STAMBPL1: variants seen among roughly 807,000 people sequenced by gnomAD.
The protein encoded by STAMBPL1 is AMSH-like protease.
STAMBPL1 carries 44 observed loss-of-function variants against 52.9 expected under a neutral mutation model. The ratio of observed to expected loss-of-function variants is 0.83; its 90% confidence interval spans 0.65 to 1.07. The LOEUF is 1.07. Among genes scored for constraint, STAMBPL1 ranks in the 50% least tolerant of loss-of-function variants. The probability of loss-of-function intolerance (pLI) is 0.00; values close to 1 mark genes in which losing one functional copy is unlikely to be tolerated. For missense variants in STAMBPL1, 511 were observed against 520.8 expected (o/e 0.98, Z 0.18); for synonymous variants, 164 against 177.3 (o/e 0.92, Z 0.60).
At chr10:88,891,638 G>A (rs893353218) in intron 1 of STAMBPL1, among the ~76,000 whole-genome samples, 8 of 152,072 alleles carry the variant, frequency 5.3e-5, no homozygotes, top group Admixed American at 1.3e-4. Flanking sequence ...ATACATCATG[G>A]AGGATACACC....
chr10:88,887,710 C>T (rs951263567), intron 1 of STAMBPL1, among the ~76,000 whole-genome samples: 13 of 151,756 alleles, frequency 8.6e-5, no homozygotes, highest in African/African-American at 2.2e-4. Flanking sequence ...TTGGTAGAGA[C>T]GAGGTTTCAC....
intron 2 of STAMBPL1, among the ~76,000 whole-genome samples, chr10:88,902,329 T>C (rs1968028): frequency 0.3 from 45,559 of 151,998 alleles, 7,271 homozygotes; most frequent in South Asian, 0.5. Context: ...TACTTTTTGC[T>C]CAATGACAAT....
At position 88,923,152 on chromosome 10, in the gene STAMBPL1, A is replaced by G; in HGVS notation, c.1255-16A>G. 1 of 1,596,064 alleles carries G rather than the reference A, an allele frequency of 6.3e-7. No individual in the cohort carries two copies. The highest frequency in any genetic ancestry group is 1.1e-5 in the South Asian group (1 of 87,782). On this transcript the variant is annotated splice_polypyrimidine_tract_variant and intron_variant, in intron 10 of 10. Coordinates refer to ENST00000371926, the MANE Select transcript of STAMBPL1 (RefSeq NM_020799.4). ...TGAAATCAAACATATGGTAAAACCA[A>G]TTTTTTCTTTCCTAGATATGCAAAC...
Position 88,913,470 on chromosome 10 carries a change from A to G in STAMBPL1, c.778+12A>G, listed in dbSNP as rs767730107. Reference sequence around the variant, plus strand: ...AAGTGCTGTTCAGAGTAAGTGATGAAATGCACCCATGTGAGACACTGAGCC... The same window carrying G: ...AAGTGCTGTTCAGAGTAAGTGATGAGATGCACCCATGTGAGACACTGAGCC... On this transcript the variant is annotated intron_variant, in intron 6 of 10. Coordinates refer to ENST00000371926, the MANE Select transcript of STAMBPL1 (RefSeq NM_020799.4). 6.3e-7 allele frequency: 1 copy of G among 1,599,554 alleles called. No individual in the cohort carries two copies. The highest frequency in any genetic ancestry group is 8.5e-7 in the Non-Finnish European group (1 of 1,170,792).
At chr10:88,880,968 GT>G (rs1764806394) in intron 1 of STAMBPL1, among the ~76,000 whole-genome samples, 1 of 152,088 alleles carries the variant, frequency 6.6e-6, no homozygotes, top group African/African-American at 2.4e-5. Flanking sequence ...GGGTGCGCCT[GT>G]TTTTTTGGTT....
At chr10:88,922,221 T>G in intron 9 of STAMBPL1, 116 bp from the exon 10 acceptor site, 1 of 979,772 alleles carries the variant, frequency 1.0e-6, no homozygotes. Flanking sequence ...GAATTCCTAG[T>G]TTGTGATTTC....
chr10:88,900,295 G>A (rs1246831987), intron 1 of STAMBPL1, among the ~76,000 whole-genome samples: 2 of 152,152 alleles, frequency 1.3e-5, no homozygotes, highest in African/African-American at 2.4e-5. Context: ...CCTAAGTGAG[G>A]AACTGAGGAG....
chr10:88,913,582 G>A (rs2133199082), intron 6 of STAMBPL1, 124 bp downstream of exon 6: 1 of 793,278 alleles, frequency 1.3e-6, no homozygotes, highest in East Asian at 2.5e-5. Context: ...GCATAATATG[G>A]TATGAATGAA....
At position 88,916,848 on chromosome 10, in the gene STAMBPL1, TTG is replaced by T. The variant is rs755090567; in HGVS notation, c.1041+40_1041+41del. On this transcript the variant is annotated intron_variant, in intron 8 of 10. Coordinates refer to ENST00000371926, the MANE Select transcript of STAMBPL1 (RefSeq NM_020799.4). ...TTTGACCTTTTGGGTTTCAGTTTTT[TTG>T]TGTGTGTGGCATGCTATTTTCCTCC... 4.7e-6 allele frequency: 7 copies of T among 1,500,298 alleles called. No homozygotes were observed. In the East Asian group the frequency reaches 1.2e-4, roughly 27 times the overall value. 92.9% of individuals were successfully genotyped at this position (1,500,298 alleles called of 1,614,324 possible). A position where few individuals can be genotyped will look rare whatever the true frequency, so the allele number is the denominator to read the frequency against.
chr10:88,901,091 T>C (rs1844932421), intron 1 of STAMBPL1: 1 of 152,248 alleles, frequency 6.6e-6, no homozygotes, highest in Non-Finnish European at 1.5e-5. Flanking sequence ...ATCTTTGTCA[T>C]GTGATTCAAC....
At chr10:88,917,509 G>A (rs1287004233) in intron 8 of STAMBPL1, among the ~76,000 whole-genome samples, 2 of 152,026 alleles carry the variant, frequency 1.3e-5, no homozygotes, top group South Asian at 2.1e-4. Context: ...TAAGCAATCC[G>A]AGCATCAGTT....
At chr10:88,899,659 A>C (rs1164474724) in intron 1 of STAMBPL1, among the ~76,000 whole-genome samples, 1 of 152,074 alleles carries the variant, frequency 6.6e-6, no homozygotes, top group Non-Finnish European at 1.5e-5. Context: ...ACAGGCGTGC[A>C]CTACCACGCC....
intron 2 of STAMBPL1, among the ~76,000 whole-genome samples, chr10:88,904,002 T>C (rs981180002): frequency 1.3e-5 from 2 of 152,200 alleles, no homozygotes; most frequent in Admixed American, 6.5e-5. Flanking sequence ...ACTCCAGATA[T>C]CTAATTCACT....
chr10:88,899,649 A>G (rs1198451072), intron 1 of STAMBPL1, among the ~76,000 whole-genome samples: 1 of 152,088 alleles, frequency 6.6e-6, no homozygotes, highest in Non-Finnish European at 1.5e-5. Flanking sequence ...AGCTGGGATT[A>G]CAGGCGTGCA....
At chr10:88,916,998 AT>A (rs1295061389) in intron 8 of STAMBPL1, among the ~76,000 whole-genome samples, 181 bp downstream of exon 8, 1 of 152,198 alleles carries the variant, frequency 6.6e-6, no homozygotes, top group African/African-American at 2.4e-5. Context: ...TATTAAAAAA[AT>A]AAAGGTCATC....
chr10:88,902,372 C>T (rs1458075663), intron 2 of STAMBPL1, among the ~76,000 whole-genome samples: 1 of 152,106 alleles, frequency 6.6e-6, no homozygotes, highest in Non-Finnish European at 1.5e-5. Context: ...CCTAGCCTAC[C>T]AGGATGGTAC....
At chr10:88,883,516 T>C (rs1844457336) in intron 1 of STAMBPL1, among the ~76,000 whole-genome samples, 1 of 152,252 alleles carries the variant, frequency 6.6e-6, no homozygotes, top group African/African-American at 2.4e-5. Context: ...AATCTGGATG[T>C]AGCTACATCT....
At position 88,913,132 on chromosome 10, in the gene STAMBPL1, T is replaced by G; in HGVS notation, c.452T>G (p.Leu151Trp). The G allele has an allele frequency of 6.2e-7, 1 of 1,600,066 alleles. No individual in the cohort carries two copies. The highest frequency in any genetic ancestry group is 8.5e-7 in the Non-Finnish European group (1 of 1,173,758). ...NKYKAEILKK[L>W]EHQRLIEAER... ...TATAAAGCTGAAATTCTCAAAAAATTGGAGCATCAGAGATTGATAGAGGCA... is the reference window on the plus strand; with the variant it reads ...TATAAAGCTGAAATTCTCAAAAAATGGGAGCATCAGAGATTGATAGAGGCA... The change falls in exon 6 of 11, where the codon TTG becomes TGG. Residue 151 changes from leucine to tryptophan, a missense_variant. Leu to Trp is a moderately conservative substitution (Grantham distance 61). Transcript: ENST00000371926.
chr10:88,883,849 T>C (rs892070548), intron 1 of STAMBPL1, among the ~76,000 whole-genome samples: 8 of 152,230 alleles, frequency 5.3e-5, no homozygotes, highest in Non-Finnish European at 1.2e-4. Context: ...AGGTACTCTT[T>C]TGGAAATGGG....
Sources: gnomAD v4.1 joint callset for allele counts (sites outside exome capture counted in the v4.1 genomes callset) on GRCh38, gnomAD v4.1.1 for gene constraint, MANE v1.5 for transcripts, NCBI Gene and HGNC (gene_info 2026-07-23, HGNC 2026-07-21) for gene names.